KLHL1: variants seen among roughly 807,000 people sequenced by gnomAD.
KLHL1 encodes the protein kelch-like protein 1.
A neutral mutation model predicts 77.7 loss-of-function variants in KLHL1; 47 were observed. That is an observed-to-expected ratio of 0.60 (90% CI 0.48 to 0.77). KLHL1 has a LOEUF of 0.77. Ranked by LOEUF, KLHL1 falls within the 30% of genes least tolerant of loss-of-function variation. The pLI is 0.00. For missense variants in KLHL1, 925 were observed against 910.8 expected (o/e 1.02, Z -0.20); for synonymous variants, 360 against 325.2 (o/e 1.11, Z -1.15).
chr13:69,846,382 C>G (rs571674039), intron 5 of KLHL1, among the ~76,000 whole-genome samples: 1 of 151,508 alleles, frequency 6.6e-6, no homozygotes, highest in South Asian at 2.1e-4. Context: ...ATAGGATAAA[C>G]TCACACAATT....
chr13:69,807,703 A>G (rs1877674318), intron 6 of KLHL1, among the ~76,000 whole-genome samples: 1 of 152,190 alleles, frequency 6.6e-6, no homozygotes, highest in African/African-American at 2.4e-5. Context: ...AATGGGGAGA[A>G]GGACTTCCAG....
intron 6 of KLHL1, among the ~76,000 whole-genome samples, chr13:69,813,407 G>A (rs1877976444): frequency 6.6e-6 from 1 of 151,052 alleles, no homozygotes; most frequent in Non-Finnish European, 1.5e-5. Flanking sequence ...ACACCAACAT[G>A]ACACATGTAT....
intron 1 of KLHL1, among the ~76,000 whole-genome samples, chr13:70,057,499 G>A (rs1355876376): frequency 3.5e-5 from 5 of 144,078 alleles, no homozygotes; most frequent in Admixed American, 2.7e-4. Context: ...AAAAGAGGCC[G>A]GGCGCGGTGG....
chr13:70,002,765 C>T (rs1404205295), intron 1 of KLHL1, among the ~76,000 whole-genome samples: 1 of 151,458 alleles, frequency 6.6e-6, no homozygotes, highest in Non-Finnish European at 1.5e-5. Context: ...TTCAAATATG[C>T]TAACGTGCTA....
chr13:69,723,833 A>G (rs1226977776), intron 8 of KLHL1, among the ~76,000 whole-genome samples: 2 of 126,740 alleles, frequency 1.6e-5, no homozygotes, highest in African/African-American at 5.6e-5. Flanking sequence ...GCCAGTTGCC[A>G]GTCAGAATTT....
At chr13:69,834,694 C>T (rs1878913073) in intron 6 of KLHL1, among the ~76,000 whole-genome samples, 1 of 151,960 alleles carries the variant, frequency 6.6e-6, no homozygotes, top group Non-Finnish European at 1.5e-5. Context: ...GTAAGTGTTT[C>T]TAAAATTAGA....
Position 70,088,640 on chromosome 13 carries a change from G to A in KLHL1, c.497+18563C>T, listed in dbSNP as rs531289338. Among the ~76,000 whole-genome samples, 11 of 151,996 alleles carry A rather than the reference G, an allele frequency of 7.2e-5. No individual in the cohort carries two copies. In the South Asian group the frequency reaches 1.5e-3, roughly 20 times the overall value. On this transcript the variant is annotated intron_variant, in intron 1 of 10. Transcript: ENST00000377844. ...GGACGTTATAGTCAGCTACAATCAC[G>A]CCACTGCACTCCAGCCTGGGGTAAC...
intron 7 of KLHL1, among the ~76,000 whole-genome samples, chr13:69,779,012 A>T (rs956660831): frequency 2.0e-5 from 3 of 151,816 alleles, no homozygotes; most frequent in Non-Finnish European, 4.4e-5. Context: ...GTTAGTCAGG[A>T]TGGTCTCCAT....
chr13:69,733,394 A>G lies in KLHL1; in HGVS notation c.1802+7000T>C, dbSNP rs558279237. 5.3e-5 allele frequency among the ~76,000 whole-genome samples: 8 copies of G among 152,172 alleles called. 1 individual carries two copies. Among genetic ancestry groups the G allele is most frequent in the Admixed American group, 2.6e-4 (4 of 15,266 alleles). On this transcript the variant is annotated intron_variant, in intron 8 of 10. Coordinates refer to ENST00000377844, the MANE Select transcript of KLHL1 (RefSeq NM_020866.3). ...AGACACAGGAAAGTCCCTTTCAGAC[A>G]TAGAATCTAATAAATTACATAATCA...
chr13:69,701,962 C>G (rs746294378), intron 10 of KLHL1, among the ~76,000 whole-genome samples: 4 of 151,622 alleles, frequency 2.6e-5, no homozygotes, highest in Non-Finnish European at 4.4e-5. Flanking sequence ...AATTTTTAGG[C>G]CTACAATTTT....
At chr13:70,091,009 T>C (rs1285371365) in intron 1 of KLHL1, among the ~76,000 whole-genome samples, 2 of 152,120 alleles carry the variant, frequency 1.3e-5, no homozygotes, top group Non-Finnish European at 2.9e-5. Context: ...AGATCACCTT[T>C]TATTTTTACT....
intron 3 of KLHL1, among the ~76,000 whole-genome samples, chr13:69,947,752 G>A (rs1883576913): frequency 6.6e-6 from 1 of 152,092 alleles, no homozygotes; most frequent in African/African-American, 2.4e-5. Flanking sequence ...ATATTAGCCA[G>A]TGTCAAGCTT....
chr13:70,066,196 G>A (rs1441574), intron 1 of KLHL1, among the ~76,000 whole-genome samples: 3,633 of 152,254 alleles, frequency 0.024, 129 homozygotes, highest in African/African-American at 0.08. Context: ...CTCATGCTTC[G>A]AGTTCTCAAG....
chr13:69,997,645 C>G (rs1003916199), intron 1 of KLHL1, among the ~76,000 whole-genome samples: 17 of 146,780 alleles, frequency 1.2e-4, no homozygotes, highest in African/African-American at 4.2e-4. Context: ...ATTTCCTTTT[C>G]TTAGCTGACT....
chr13:69,857,386 T>C (rs1465636070), intron 5 of KLHL1, among the ~76,000 whole-genome samples: 1 of 152,076 alleles, frequency 6.6e-6, no homozygotes, highest in Non-Finnish European at 1.5e-5. Flanking sequence ...CTTCAACATG[T>C]AGTCGCACAT....
At chr13:70,057,284 G>A (rs183435478) in intron 1 of KLHL1, among the ~76,000 whole-genome samples, 4 of 152,068 alleles carry the variant, frequency 2.6e-5, no homozygotes, top group Admixed American at 1.3e-4. Flanking sequence ...GATTGGGGCT[G>A]TAATAAAATG....
At chr13:69,842,820 T>C (rs918063726) in intron 5 of KLHL1, among the ~76,000 whole-genome samples, 2 of 151,776 alleles carry the variant, frequency 1.3e-5, no homozygotes, top group African/African-American at 4.8e-5. Context: ...ATAAAGAAAA[T>C]GTGGTATATA....
intron 7 of KLHL1, among the ~76,000 whole-genome samples, chr13:69,741,134 C>T (rs1873971922): frequency 6.6e-6 from 1 of 152,054 alleles, no homozygotes. Flanking sequence ...TGACATCTTT[C>T]ATATTATTAG....
intron 7 of KLHL1, among the ~76,000 whole-genome samples, chr13:69,790,060 C>T (rs190015693): frequency 1.2e-3 from 175 of 152,026 alleles, no homozygotes; most frequent in African/African-American, 3.9e-3. Context: ...GTGTTAGCCA[C>T]TTCTGACACA....
Sources: allele counts gnomAD v4.1 joint callset (sites outside exome capture counted in the v4.1 genomes callset), GRCh38; gene constraint gnomAD v4.1.1; transcripts MANE v1.5; gene names NCBI Gene and HGNC (gene_info 2026-07-23, HGNC 2026-07-21).